SUPT3H: variants seen among roughly 807,000 people sequenced by gnomAD.
The protein encoded by SUPT3H is transcription initiation protein SPT3 homolog.
Under a neutral mutation model 44.3 loss-of-function variants are expected in SUPT3H, and 44 were observed. The observed-to-expected ratio is 0.99, with a 90% CI of 0.78 to 1.28. The LOEUF is 1.28. Among genes scored for constraint, SUPT3H ranks in the 50% most tolerant of loss-of-function variants. The pLI, the probability that SUPT3H is intolerant of heterozygous loss-of-function variation, is 0.00. For synonymous variants in SUPT3H, 124 were observed against 125.6 expected (o/e 0.99, Z 0.09); for missense variants, 380 against 387.1 (o/e 0.98, Z 0.15).
chr6:45,375,780 G>C, intron 1 of SUPT3H, among the ~76,000 whole-genome samples: 1 of 150,538 alleles, frequency 6.6e-6, no homozygotes, highest in East Asian at 2.0e-4. Context: ...TTTTTTATTT[G>C]TTCTTTTAGT....
At chr6:44,937,663 C>A (rs1285676783) in intron 9 of SUPT3H, among the ~76,000 whole-genome samples, 1 of 152,000 alleles carries the variant, frequency 6.6e-6, no homozygotes, top group African/African-American at 2.4e-5. Context: ...TTTTAATTTG[C>A]ATTTCTCTGA....
In SUPT3H at chr6:45,073,073, T is replaced by C. The variant is rs141157041; in HGVS notation, c.186+32849A>G. Among the ~76,000 whole-genome samples, 5 of 152,296 alleles carry C rather than the reference T, an allele frequency of 3.3e-5. No individual in the cohort carries two copies. In the East Asian group the frequency reaches 9.6e-4, roughly 29 times the overall value. ...AATGACTTTCTCCGTTAAAGTCTAT[T>C]TCTCATCTCTTATCTATACTCACAG... On this transcript the variant is annotated intron_variant, in intron 3 of 10. Coordinates refer to ENST00000371459, the MANE Select transcript of SUPT3H (RefSeq NM_003599.4).
Position 44,829,676 on chromosome 6 carries a change from C to T in SUPT3H, c.*140G>A, listed in dbSNP as rs1768264828. On this transcript the variant is annotated 3_prime_UTR_variant, in exon 11 of 11. Transcript: ENST00000371459. ...TGAGGGGCTGGAAAAGAGGAGGAGTCAGCAAGTTGAAAGTCACAACAGACC... is the reference window on the plus strand; with the variant it reads ...TGAGGGGCTGGAAAAGAGGAGGAGTTAGCAAGTTGAAAGTCACAACAGACC... 3.4e-6 allele frequency: 3 copies of T among 876,534 alleles called. No individual in the cohort carries two copies. Among genetic ancestry groups the T allele is most frequent in the Non-Finnish European group, 5.4e-6 (3 of 558,236 alleles). The allele number at this position is 876,534 out of a possible 1,614,324, so 54.3% of individuals were successfully genotyped here. A position where few individuals can be genotyped will look rare whatever the true frequency, so the allele number is the denominator to read the frequency against.
At chr6:44,839,786 C>T (rs1770603440) in intron 10 of SUPT3H, among the ~76,000 whole-genome samples, 1 of 151,952 alleles carries the variant, frequency 6.6e-6, no homozygotes, top group Non-Finnish European at 1.5e-5. Flanking sequence ...ACTGCAAGCT[C>T]CACCTCCCGG....
At chr6:45,284,588 A>T (rs566149970) in intron 2 of SUPT3H, among the ~76,000 whole-genome samples, 3 of 152,282 alleles carry the variant, frequency 2.0e-5, no homozygotes, top group East Asian at 1.9e-4. Flanking sequence ...GCTCTGAAAT[A>T]GAGGCAATAA....
chr6:44,983,248 A>C (rs988796722), intron 6 of SUPT3H, among the ~76,000 whole-genome samples: 22 of 152,162 alleles, frequency 1.4e-4, no homozygotes, highest in African/African-American at 3.9e-4. Context: ...ATATTAGTCT[A>C]TACAGGGTGA....
intron 6 of SUPT3H, among the ~76,000 whole-genome samples, chr6:44,975,337 C>T (rs1778174586): frequency 6.6e-6 from 1 of 152,034 alleles, no homozygotes; most frequent in African/African-American, 2.4e-5. Context: ...GCCTAAATGC[C>T]CATCAACCAA....
At chr6:45,349,680 C>T (rs919998530) in intron 2 of SUPT3H, among the ~76,000 whole-genome samples, 3 of 152,162 alleles carry the variant, frequency 2.0e-5, no homozygotes, top group African/African-American at 7.2e-5. Flanking sequence ...CATCAATTTG[C>T]TGCTCTTTAT....
chr6:45,257,086 C>A (rs1018831575), intron 2 of SUPT3H, among the ~76,000 whole-genome samples: 8 of 152,182 alleles, frequency 5.3e-5, no homozygotes, highest in African/African-American at 1.4e-4. Flanking sequence ...TTTTCCACAT[C>A]CTCACCAACA....
chr6:44,998,980 C>T (rs1468746980), intron 6 of SUPT3H, among the ~76,000 whole-genome samples: 1 of 151,960 alleles, frequency 6.6e-6, no homozygotes, highest in Admixed American at 6.6e-5. Context: ...CAGTCTGTGA[C>T]AGTACAGTTA....
chr6:45,269,899 A>G (rs1276492128), intron 2 of SUPT3H, among the ~76,000 whole-genome samples: 1 of 152,104 alleles, frequency 6.6e-6, no homozygotes. Context: ...CACTCCAAAA[A>G]CAAACCCTGT....
In SUPT3H at chr6:45,236,742, C is replaced by T. The variant is rs114678580; in HGVS notation, c.101+128459G>A. Among the ~76,000 whole-genome samples, 1,291 of 151,580 alleles carry T rather than the reference C, an allele frequency of 8.5e-3. 19 individuals carry two copies. Among genetic ancestry groups the T allele is most frequent in the Non-Finnish European group, 0.013 (911 of 67,878 alleles). On this transcript the variant is annotated intron_variant, in intron 2 of 10. Coordinates refer to ENST00000371459, the MANE Select transcript of SUPT3H (RefSeq NM_003599.4). ...TTGGCAGTTTCCTGTTAGAATACAC[C>T]CCCCGAGATCAACAGGGAAATATTA...
chr6:45,283,894 C>A (rs1297109408), intron 2 of SUPT3H, among the ~76,000 whole-genome samples: 1 of 152,124 alleles, frequency 6.6e-6, no homozygotes, highest in South Asian at 2.1e-4. Flanking sequence ...GTCTCTCAGA[C>A]CACAGTGAAA....
intron 3 of SUPT3H, among the ~76,000 whole-genome samples, chr6:45,030,837 T>C (rs1425472546): frequency 1.3e-5 from 2 of 152,170 alleles, no homozygotes; most frequent in African/African-American, 4.8e-5. Flanking sequence ...CAATTTTAGA[T>C]TTGCAGCTTC....
chr6:44,837,260 C>T (rs1770089509), intron 10 of SUPT3H, among the ~76,000 whole-genome samples: 1 of 152,176 alleles, frequency 6.6e-6, no homozygotes, highest in Non-Finnish European at 1.5e-5. Flanking sequence ...CTTGAGTAAC[C>T]TATAACCTCC....
intron 1 of SUPT3H, among the ~76,000 whole-genome samples, chr6:45,365,775 A>C (rs1795029947): frequency 6.6e-6 from 1 of 151,416 alleles, no homozygotes; most frequent in Non-Finnish European, 1.5e-5. Context: ...TAAAGAAACA[A>C]TTCCACAGCT....
intron 10 of SUPT3H, among the ~76,000 whole-genome samples, chr6:44,860,267 CT>C (rs1250604066): frequency 6.6e-6 from 1 of 152,176 alleles, no homozygotes; most frequent in Non-Finnish European, 1.5e-5. Context: ...TAAATGCCCA[CT>C]TTTGCGTCTC....
At position 45,299,929 on chromosome 6, in the gene SUPT3H, T is replaced by C. The variant is rs549551845; in HGVS notation, c.101+65272A>G. ...TGGTAAGTATATAACATGACTTTTA[T>C]ATGCGTATTATATATGTGAATATAT... On this transcript the variant is annotated intron_variant, in intron 2 of 10. Transcript: ENST00000371459. Among the ~76,000 whole-genome samples the C allele has an allele frequency of 5.3e-5, 8 of 150,616 alleles. No homozygotes were observed. The South Asian group carries it at 8.5e-4, about 16-fold the overall frequency.
At chr6:44,886,738 T>A (rs576596242) in intron 10 of SUPT3H, among the ~76,000 whole-genome samples, 3 of 152,228 alleles carry the variant, frequency 2.0e-5, no homozygotes, top group African/African-American at 7.2e-5. Flanking sequence ...GCTAACATCA[T>A]AATGACAGGA....
Sources: allele counts gnomAD v4.1 joint callset (sites outside exome capture counted in the v4.1 genomes callset), GRCh38; gene constraint gnomAD v4.1.1; transcripts MANE v1.5; gene names NCBI Gene and HGNC (gene_info 2026-07-23, HGNC 2026-07-21).